RHOBTB1: variants seen among roughly 807,000 people sequenced by gnomAD.
RHOBTB1 encodes the protein rho-related BTB domain-containing protein 1.
RHOBTB1 carries 40 observed loss-of-function variants against 71.6 expected under a neutral mutation model. The ratio of observed to expected loss-of-function variants is 0.56; its 90% confidence interval spans 0.43 to 0.73. The LOEUF is 0.73. RHOBTB1 is among the 30% of genes least tolerant of loss of function. The pLI, the probability that RHOBTB1 is intolerant of heterozygous loss-of-function variation, is 0.00. For missense variants in RHOBTB1, 797 were observed against 894.0 expected (o/e 0.89, Z 1.38); for synonymous variants, 319 against 334.9 (o/e 0.95, Z 0.52).
chr10:60,914,183 A>T (rs2083146008), intron 2 of RHOBTB1, among the ~76,000 whole-genome samples: 1 of 152,196 alleles, frequency 6.6e-6, no homozygotes, highest in South Asian at 2.1e-4. Flanking sequence ...AGAAGACAGA[A>T]AAAGTTTTGG....
intron 2 of RHOBTB1, among the ~76,000 whole-genome samples, chr10:60,953,923 G>C (rs1255110145): frequency 1.3e-5 from 2 of 152,030 alleles, no homozygotes; most frequent in Admixed American, 6.6e-5. Context: ...AAAATGTCCT[G>C]TTAAAAGAAA....
chr10:60,862,111 CCT>C, the RHOBTB1 span, among the ~76,000 whole-genome samples: 66 of 151,594 alleles, frequency 4.4e-4, 1 homozygote, highest in African/African-American at 1.5e-3. Context: ...TTCCTTCCTT[CCT>C]CTCTTTCTTC....
intron 5 of RHOBTB1, among the ~76,000 whole-genome samples, chr10:60,891,261 T>C (rs2081900610): frequency 2.0e-5 from 3 of 151,830 alleles, no homozygotes; most frequent in Admixed American, 6.6e-5. Context: ...AAAAGTTGTG[T>C]CAATATAAAA....
rs1228804961 is a variant in RHOBTB1 at position 60,924,241 on chromosome 10, C to T, written c.-10-12689G>A. 2.6e-5 allele frequency among the ~76,000 whole-genome samples: 4 copies of T among 151,664 alleles called. No homozygotes were observed. The South Asian group carries it at 6.2e-4, about 24-fold the overall frequency. On this transcript the variant is annotated intron_variant, in intron 2 of 10. Coordinates refer to ENST00000337910, the MANE Select transcript of RHOBTB1 (RefSeq NM_014836.5). ...CATAAAGAAATAATGATACGAATGA[C>T]TATAAATTTCACCAAGACACTATTT...
At chr10:60,864,862 T>C (rs1227474309), downstream of RHOBTB1, among the ~76,000 whole-genome samples, 1 of 152,142 alleles carries the variant, frequency 6.6e-6, no homozygotes, top group African/African-American at 2.4e-5. Flanking sequence ...AGCTAATTTT[T>C]GTACTTTTGC....
At chr10:60,949,785 G>A (rs2085351991) in intron 2 of RHOBTB1, among the ~76,000 whole-genome samples, 1 of 149,640 alleles carries the variant, frequency 6.7e-6, no homozygotes, top group South Asian at 2.1e-4. Flanking sequence ...TTTAAAGACA[G>A]AAGCATTAGA....
chr10:60,990,391 T>A (rs979459319), intron 1 of RHOBTB1, among the ~76,000 whole-genome samples: 2 of 152,204 alleles, frequency 1.3e-5, no homozygotes, highest in African/African-American at 4.8e-5. Flanking sequence ...CCCAAGAATC[T>A]TTTTGAGACA....
intron 7 of RHOBTB1, among the ~76,000 whole-genome samples, chr10:60,885,132 C>T (rs1368999494): frequency 6.6e-6 from 1 of 151,676 alleles, no homozygotes; most frequent in Admixed American, 6.6e-5. Context: ...CTATGGTGGA[C>T]AATAATGTAT....
chr10:60,911,238 G>T lies in RHOBTB1; in HGVS notation c.192+113C>A, dbSNP rs141735163. 3,859 of 1,088,458 alleles carry T rather than the reference G, an allele frequency of 3.5e-3. 6 individuals carry two copies. The highest frequency in any genetic ancestry group is 0.015 in the Middle Eastern group (51 of 3,318). 67.4% of individuals were successfully genotyped at this position (1,088,458 alleles called of 1,614,324 possible). On this transcript the variant is annotated intron_variant, in intron 3 of 10. Coordinates refer to ENST00000337910, the MANE Select transcript of RHOBTB1 (RefSeq NM_014836.5). ...TGTTTTCTCTCGTGGCACTAAAAAG[G>T]TTAGTTTTGTTTTGAATGTGTAATT...
intron 1 of RHOBTB1, among the ~76,000 whole-genome samples, chr10:60,987,843 C>A (rs972871583): frequency 1.3e-5 from 2 of 151,866 alleles, no homozygotes; most frequent in African/African-American, 2.4e-5. Context: ...TGCTCTCCAC[C>A]CCCTAACCCC....
chr10:60,888,700 C>A lies in RHOBTB1; in HGVS notation c.968G>T (p.Arg323Leu). The change falls in exon 6 of 11, where the codon CGG (arginine) becomes CTG (leucine). Residue 323 changes from arginine to leucine, a missense_variant. Transcript: ENST00000337910. ...TTCCTCTGGGTCGACACTCAATATC[C>A]GCCCCTGGAAATCTCTGCTCTGCTT... ...KEKQSRDFQG[R>L]ILSVDPEEER... The A allele has an allele frequency of 1.2e-6, 2 of 1,614,210 alleles. No individual in the cohort carries two copies. The highest frequency in any genetic ancestry group is 8.5e-7 in the Non-Finnish European group (1 of 1,180,028).
At chr10:60,878,952 T>C (rs529850405) in intron 7 of RHOBTB1, among the ~76,000 whole-genome samples, 12 of 152,338 alleles carry the variant, frequency 7.9e-5, no homozygotes, top group African/African-American at 2.6e-4. Flanking sequence ...TTTTGGAACA[T>C]TGACAATTAT....
At chr10:60,876,737 T>C (rs993393416) in intron 8 of RHOBTB1, among the ~76,000 whole-genome samples, 1 of 152,212 alleles carries the variant, frequency 6.6e-6, no homozygotes, top group African/African-American at 2.4e-5. Flanking sequence ...CTAATATTGA[T>C]GCCTCAACTC....
intron 2 of RHOBTB1, among the ~76,000 whole-genome samples, chr10:60,980,473 A>G (rs932602983): frequency 2.6e-5 from 4 of 152,180 alleles, no homozygotes; most frequent in African/African-American, 7.2e-5. Context: ...GAATTAAACA[A>G]TTGTCTATTA....
intron 2 of RHOBTB1, among the ~76,000 whole-genome samples, chr10:60,935,851 G>T (rs1199397312): frequency 6.6e-6 from 1 of 151,998 alleles, no homozygotes; most frequent in African/African-American, 2.4e-5. Flanking sequence ...CAATATAATG[G>T]TGTGACACTG....
intron 4 of RHOBTB1, among the ~76,000 whole-genome samples, chr10:60,894,769 C>T (rs937155443): frequency 6.6e-6 from 1 of 152,122 alleles, no homozygotes. Context: ...ATATCCAGCA[C>T]CTAAATGTGT....
At chr10:60,885,370 C>T (rs891256705) in intron 7 of RHOBTB1, among the ~76,000 whole-genome samples, 1 of 152,160 alleles carries the variant, frequency 6.6e-6, no homozygotes, top group Admixed American at 6.5e-5. Flanking sequence ...GCTGTTTGCT[C>T]TTCTCTAAGC....
At chr10:60,873,422 G>A (rs566362796) in intron 9 of RHOBTB1, among the ~76,000 whole-genome samples, 1 of 152,290 alleles carries the variant, frequency 6.6e-6, no homozygotes, top group South Asian at 2.1e-4. Context: ...CACTAGGTTA[G>A]GGTCTAATGA....
At chr10:60,999,847 G>T (rs905764702) in intron 1 of RHOBTB1, among the ~76,000 whole-genome samples, 2 of 152,170 alleles carry the variant, frequency 1.3e-5, no homozygotes. Flanking sequence ...TCACCCAACC[G>T]TAAGGTAAAT....
Sources: allele counts gnomAD v4.1 joint callset (sites outside exome capture counted in the v4.1 genomes callset), GRCh38; gene constraint gnomAD v4.1.1; transcripts MANE v1.5; gene names NCBI Gene and HGNC (gene_info 2026-07-23, HGNC 2026-07-21).